Variants in COBL observed in about 807,000 individuals in gnomAD.
COBL encodes the protein protein cordon-bleu.
COBL carries 51 observed loss-of-function variants against 98.8 expected under a neutral mutation model. The ratio of observed to expected loss-of-function variants is 0.52; its 90% CI spans 0.41 to 0.65. The LOEUF (loss-of-function observed/expected upper bound fraction) is 0.65, where lower values mean the gene tolerates loss of function less well. Ranked by LOEUF, COBL falls within the 30% of genes least tolerant of loss-of-function variation. The pLI, the probability that COBL is intolerant of heterozygous loss-of-function variation, is 0.00. For missense variants in COBL, 1,617 were observed against 1,617.5 expected (o/e 1.00, Z 0.01); for synonymous variants, 634 against 651.7 (o/e 0.97, Z 0.41).
intron 7 of COBL, among the ~76,000 whole-genome samples, chr7:51,059,375 G>A (rs1029729949): frequency 2.6e-5 from 4 of 152,114 alleles, no homozygotes; most frequent in South Asian, 2.1e-4. Context: ...ATAAAGCTGC[G>A]GTTTCCAAAA....
intron 1 of COBL, among the ~76,000 whole-genome samples, chr7:51,312,084 G>T (rs1489661304): frequency 6.6e-6 from 1 of 152,082 alleles, no homozygotes; most frequent in African/African-American, 2.4e-5. Flanking sequence ...AGCACTTTGG[G>T]AGGCCAAGGC....
Position 51,050,983 on chromosome 7 carries a change from A to G in COBL, c.1097-7291T>C, listed in dbSNP as rs576689548. Among the ~76,000 whole-genome samples the G allele has an allele frequency of 2.0e-5, 3 of 152,298 alleles. No homozygotes were observed. The South Asian group carries it at 6.2e-4, about 32-fold the overall frequency. The stretch of plus-strand genomic sequence containing the variant: ...TATTTTATATTAAATTACATATTAA[A>G]TTGGACAGCTACATATATGTCTTTC... On this transcript the variant is annotated intron_variant, in intron 7 of 12. Transcript: ENST00000265136.
At chr7:51,187,138 G>A (rs990367893) in intron 4 of COBL, among the ~76,000 whole-genome samples, 2 of 152,004 alleles carry the variant, frequency 1.3e-5, no homozygotes, top group Admixed American at 1.3e-4. Flanking sequence ...GGCAGAGAAG[G>A]ATGAAGGACC....
chr7:51,124,592 C>T (rs1305468789), intron 6 of COBL, among the ~76,000 whole-genome samples: 16 of 152,110 alleles, frequency 1.1e-4, no homozygotes, highest in African/African-American at 9.7e-5. Context: ...CCCATGGCGA[C>T]GGCTGCTGCC....
At position 51,190,899 on chromosome 7, in the gene COBL, G is replaced by T; in HGVS notation, c.636C>A (p.Ser212=). 1 of 1,614,092 alleles carries T rather than the reference G, an allele frequency of 6.2e-7. No individual in the cohort carries two copies. Among genetic ancestry groups the T allele is most frequent in the Non-Finnish European group, 8.5e-7 (1 of 1,180,020 alleles). The change falls in exon 4 of 13, where the codon TCC becomes TCA. Residue 212 remains serine (S), a synonymous_variant. Transcript: ENST00000265136. Reference sequence around the variant, plus strand: ...GCTCCTTTATCCCGAGCTCGTTCAGGGACTTGGACAGCTCCAGCTCCTCTC... The same window carrying T: ...GCTCCTTTATCCCGAGCTCGTTCAGTGACTTGGACAGCTCCAGCTCCTCTC... ...IAGEELELSK[S]LNELGIKELY...
chr7:51,306,343 T>C (rs991418832), intron 1 of COBL, among the ~76,000 whole-genome samples: 7 of 152,184 alleles, frequency 4.6e-5, no homozygotes, highest in African/African-American at 1.4e-4. Flanking sequence ...AGCTCATTAC[T>C]GAGGCTCTTG....
chr7:51,176,791 A>G (rs1788419404), intron 5 of COBL, among the ~76,000 whole-genome samples: 1 of 152,210 alleles, frequency 6.6e-6, no homozygotes, highest in Admixed American at 6.5e-5. Context: ...CAAAGCTATG[A>G]AATCTTTATT....
rs114010661 is a variant in COBL, at chr7:51,246,513, C to A, written c.42-26569G>T. 6.3e-3 allele frequency among the ~76,000 whole-genome samples: 954 copies of A among 152,272 alleles called. 11 individuals carry two copies. Among genetic ancestry groups the A allele is most frequent in the African/African-American group, 0.022 (922 of 41,554 alleles). ...CAGCCCAGCCCTGACCTTGTCCCAG[C>A]CCCAACATCCCTGCTGGTCTGGCTG... is the stretch of plus-strand genomic sequence containing the variant. On this transcript the variant is annotated intron_variant, in intron 1 of 12. Transcript: ENST00000265136.
chr7:51,215,100 C>T (rs1207464224), intron 2 of COBL, among the ~76,000 whole-genome samples: 2 of 152,116 alleles, frequency 1.3e-5, no homozygotes, highest in Non-Finnish European at 1.5e-5. Context: ...AATAAATAAG[C>T]ATGATCACAT....
chr7:51,161,853 C>T (rs1786852998), intron 5 of COBL, among the ~76,000 whole-genome samples: 2 of 152,216 alleles, frequency 1.3e-5, no homozygotes, highest in African/African-American at 4.8e-5. Flanking sequence ...CTGCTAATGA[C>T]TGGTCTGTTG....
chr7:51,316,445 C>T, intron 1 of COBL, 148 bp downstream of exon 1: 2 of 518,492 alleles, frequency 3.9e-6, no homozygotes, highest in East Asian at 4.7e-5. Flanking sequence ...CACCCAACAC[C>T]AGCACCGCAC....
At chr7:51,071,615 A>G (rs1792560475) in intron 7 of COBL, 1 of 152,150 alleles carries the variant, frequency 6.6e-6, no homozygotes. Flanking sequence ...TACTTATTGC[A>G]TCATATTTGC....
chr7:51,137,035 A>C (rs997370611), intron 5 of COBL, among the ~76,000 whole-genome samples: 4 of 152,196 alleles, frequency 2.6e-5, no homozygotes, highest in Non-Finnish European at 4.4e-5. Flanking sequence ...GCTTAATAGA[A>C]TCATGTAAGT....
chr7:51,211,220 A>C (rs1792394374), intron 2 of COBL, among the ~76,000 whole-genome samples: 1 of 152,070 alleles, frequency 6.6e-6, no homozygotes. Flanking sequence ...CCCCATCCTG[A>C]TCTGCAGCTT....
intron 1 of COBL, among the ~76,000 whole-genome samples, chr7:51,232,311 A>G (rs542781431): frequency 2.0e-5 from 3 of 148,128 alleles, no homozygotes; most frequent in African/African-American, 7.6e-5. Context: ...TCACCATACA[A>G]TATCAGTCTC....
At chr7:51,031,189 T>G in intron 8 of COBL, 1 of 362,306 alleles carries the variant, frequency 2.8e-6, no homozygotes, top group Non-Finnish European at 4.9e-6. Context: ...ATGGTGTGTG[T>G]GTGGGGCCCC....
chr7:51,272,267 T>C (rs151177774), intron 1 of COBL, among the ~76,000 whole-genome samples: 7 of 152,248 alleles, frequency 4.6e-5, no homozygotes, highest in African/African-American at 1.4e-4. Context: ...CCACTCAAGG[T>C]ATGATTTTTT....
At chr7:51,258,262 T>C (rs1203612849) in intron 1 of COBL, among the ~76,000 whole-genome samples, 2 of 152,204 alleles carry the variant, frequency 1.3e-5, no homozygotes, top group African/African-American at 4.8e-5. Context: ...CCATTCTTCC[T>C]ATGTATATTT....
chr7:51,285,541 G>A (rs1414562491), intron 1 of COBL, among the ~76,000 whole-genome samples: 2 of 152,160 alleles, frequency 1.3e-5, no homozygotes, highest in African/African-American at 2.4e-5. Context: ...TACCAAAAAA[G>A]TAAAGTATTT....
Sources: gnomAD v4.1 joint callset for allele counts (sites outside exome capture counted in the v4.1 genomes callset) on GRCh38, gnomAD v4.1.1 for gene constraint, MANE v1.5 for transcripts, NCBI Gene and HGNC (gene_info 2026-07-23, HGNC 2026-07-21) for gene names.